Variants in ZPBP observed in about 807,000 individuals in gnomAD.
The protein encoded by ZPBP is zona pellucida binding protein, also known as zona pellucida-binding protein 1.
ZPBP carries 26 observed loss-of-function variants against 44.8 expected under a neutral mutation model. That is an observed-to-expected ratio of 0.58 (90% CI 0.43 to 0.81). ZPBP has a LOEUF of 0.81. Among genes scored for constraint, ZPBP ranks in the 30% least tolerant of loss-of-function variants. The pLI is 0.00. For missense variants in ZPBP, 409 were observed against 434.0 expected (o/e 0.94, Z 0.51); for synonymous variants, 174 against 153.2 (o/e 1.14, Z -1.00).
chr7:49,928,708 A>G (rs189813986), intron 1 of ZPBP, among the ~76,000 whole-genome samples: 1 of 152,252 alleles, frequency 6.6e-6, no homozygotes, highest in East Asian at 1.9e-4. Context: ...CTTGAGCCCA[A>G]TCTTGTACAC....
chr7:49,887,334 ATTTGT>A (rs923765939), intron 2 of ZPBP, among the ~76,000 whole-genome samples: 2 of 152,126 alleles, frequency 1.3e-5, no homozygotes, highest in African/African-American at 2.4e-5. Flanking sequence ...TTTGCAATTG[ATTTGT>A]TTTATGTTTG....
chr7:50,011,219 T>G (rs1046616557), intron 6 of ZPBP, among the ~76,000 whole-genome samples: 1 of 152,148 alleles, frequency 6.6e-6, no homozygotes, highest in African/African-American at 2.4e-5. Context: ...CAACTCAATA[T>G]GGATCAAAAA....
Position 50,031,244 on chromosome 7 carries a change from AT to A in ZPBP, c.553del (p.Ile185PhefsTer14). ...ARYHAAPCNS[I>X]YNISFEKKLL... ...TTTCTTCTCAAAAGAAATATTATAA[AT>A]GCTATTGCAGGGAGCTGCATGATAT... On this transcript the variant is annotated frameshift_variant, in exon 5 of 8. Coordinates refer to ENST00000046087, the MANE Select transcript of ZPBP (RefSeq NM_007009.3). LOFTEE classifies it high-confidence loss of function. The A allele has an allele frequency of 3.7e-6, 6 of 1,612,660 alleles. No homozygotes were observed. The highest frequency in any genetic ancestry group is 5.1e-6 in the Non-Finnish European group (6 of 1,179,810).
chr7:49,909,159 T>C (rs1373328350), intron 1 of ZPBP, among the ~76,000 whole-genome samples: 1 of 152,222 alleles, frequency 6.6e-6, no homozygotes, highest in African/African-American at 2.4e-5. Context: ...ACCAGATTTT[T>C]AATCCAGATT....
chr7:49,847,672 G>A (rs185832226), downstream of ZPBP, among the ~76,000 whole-genome samples: 37 of 152,344 alleles, frequency 2.4e-4, no homozygotes, highest in African/African-American at 8.2e-4. Context: ...AGTAAAATAT[G>A]AGCAAAAGCC....
intron 2 of ZPBP, among the ~76,000 whole-genome samples, chr7:49,882,600 T>C (rs538481012): frequency 7.3e-5 from 11 of 150,938 alleles, no homozygotes; most frequent in African/African-American, 2.7e-4. Context: ...GAGACAGAGA[T>C]AGTGAGTACA....
chr7:49,870,986 T>A (rs1791125113), intron 2 of ZPBP, among the ~76,000 whole-genome samples: 2 of 152,082 alleles, frequency 1.3e-5, no homozygotes, highest in African/African-American at 4.8e-5. Flanking sequence ...GAGTTGATAA[T>A]CAAAATGGTA....
chr7:50,081,934 T>G, intron 2 of ZPBP, 35 bp from the exon 3 acceptor site: 1 of 1,602,152 alleles, frequency 6.2e-7, no homozygotes, highest in Non-Finnish European at 8.5e-7. Flanking sequence ...TCCAATAGTA[T>G]TTTATCTTCT....
intron 7 of ZPBP, among the ~76,000 whole-genome samples, chr7:49,965,046 A>C (rs1365258734): frequency 6.6e-6 from 1 of 152,124 alleles, no homozygotes; most frequent in Non-Finnish European, 1.5e-5. Context: ...GTCAGAAGAA[A>C]CTGAAAAGTC....
intron 2 of ZPBP, among the ~76,000 whole-genome samples, chr7:49,898,117 G>A (rs192031724): frequency 1.7e-3 from 256 of 152,062 alleles, no homozygotes; most frequent in Non-Finnish European, 2.9e-3. Context: ...ACATATATGT[G>A]TGTGTGTGTG....
At chr7:50,006,933 C>T (rs1252927774) in intron 6 of ZPBP, among the ~76,000 whole-genome samples, 1 of 151,976 alleles carries the variant, frequency 6.6e-6, no homozygotes, top group East Asian at 1.9e-4. Flanking sequence ...CTGAATGTGT[C>T]CCCCAAAAAT....
At chr7:49,973,874 A>C (rs375967169) in intron 7 of ZPBP, among the ~76,000 whole-genome samples, 1 of 152,196 alleles carries the variant, frequency 6.6e-6, no homozygotes, top group East Asian at 1.9e-4. Context: ...TAATGCTAAT[A>C]AAAGCATCCT....
intron 6 of ZPBP, among the ~76,000 whole-genome samples, chr7:49,999,197 C>A (rs73334188): frequency 6.6e-6 from 1 of 150,676 alleles, no homozygotes; most frequent in Non-Finnish European, 1.5e-5. Flanking sequence ...TCTCCAATTC[C>A]TATAATAAGT....
intron 1 of ZPBP, among the ~76,000 whole-genome samples, chr7:50,092,509 T>A (rs1803044387): frequency 1.3e-5 from 2 of 152,264 alleles, no homozygotes; most frequent in South Asian, 4.1e-4. Flanking sequence ...ACCTTTCTAG[T>A]TAAATAACAG....
At chr7:49,944,367 G>T in intron 7 of ZPBP, 1 of 206,324 alleles carries the variant, frequency 4.8e-6, no homozygotes, top group Non-Finnish European at 9.8e-6. Flanking sequence ...CCTGCTTCCT[G>T]CTCTCAGTCT....
rs1367684402 is a variant in ZPBP, at chr7:49,954,998, G to A, written c.962-17376C>T. Among the ~76,000 whole-genome samples the A allele has an allele frequency of 5.8e-4, 88 of 152,230 alleles. 2 individuals are homozygous for A. The highest frequency in any genetic ancestry group is 5.8e-3 in the Admixed American group (88 of 15,288). On this transcript the variant is annotated intron_variant, in intron 7 of 7. Transcript: ENST00000046087. ...TATAGAATATGTTTTCTGAACATAA[G>A]ATATTTAATTGCAGATTAACAAAAA...
chr7:49,986,595 T>G (rs1487203714), intron 6 of ZPBP, among the ~76,000 whole-genome samples: 1 of 152,186 alleles, frequency 6.6e-6, no homozygotes, highest in Non-Finnish European at 1.5e-5. Flanking sequence ...GAATAAGAGG[T>G]TCTTCCCTCA....
the ZPBP span, among the ~76,000 whole-genome samples, chr7:49,844,022 A>C: frequency 6.6e-6 from 1 of 152,186 alleles, no homozygotes; most frequent in Admixed American, 6.5e-5. Flanking sequence ...TTGGCCATGG[A>C]ATTGGCTGGG....
chr7:49,923,860 A>G (rs562645791), intron 1 of ZPBP, among the ~76,000 whole-genome samples: 9 of 152,292 alleles, frequency 5.9e-5, no homozygotes, highest in Non-Finnish European at 1.0e-4. Flanking sequence ...ATGTTGGCTC[A>G]TGCCTATAAT....
Sources: gnomAD v4.1 joint callset for allele counts (sites outside exome capture counted in the v4.1 genomes callset) on GRCh38, gnomAD v4.1.1 for gene constraint, MANE v1.5 for transcripts, NCBI Gene and HGNC (gene_info 2026-07-23, HGNC 2026-07-21) for gene names.